Variants in ATP13A3 observed in about 807,000 individuals in gnomAD.
ATP13A3 encodes the protein polyamine-transporting ATPase 13A3.
In ATP13A3, 59 loss-of-function variants were observed where a neutral mutation model predicts 158.1. The observed-to-expected ratio is 0.37, with a 90% confidence interval of 0.30 to 0.46. The LOEUF (loss-of-function observed/expected upper bound fraction) is 0.46, where lower values mean the gene tolerates loss of function less well. Among genes scored for constraint, ATP13A3 ranks in the 20% least tolerant of loss-of-function variants. ATP13A3 has a pLI of 1.00. For synonymous variants in ATP13A3, 491 were observed against 504.3 expected (o/e 0.97, Z 0.35); for missense variants, 1,166 against 1,525.2 (o/e 0.76, Z 3.92).
At position 194,450,497 on chromosome 3, in the gene ATP13A3, C is replaced by CCATCTGA; in HGVS notation, c.839-222_839-221insTCAGATG. The stretch of plus-strand genomic sequence containing the variant: ...TCCTGCTAGGACACCAGCTGTGCAC[C>CCATCTGA]GGTGATGCCAAGTACCCTCTGACGA... On this transcript the variant is annotated intron_variant, in intron 10 of 33. Coordinates refer to ENST00000645319, the MANE Select transcript of ATP13A3 (RefSeq NM_001367549.1). The CCATCTGA allele has an allele frequency of 6.2e-6, 3 of 485,182 alleles. No individual in the cohort carries two copies. The East Asian group carries it at 1.2e-4, about 19-fold the overall frequency. 30.1% of individuals were successfully genotyped at this position (485,182 alleles called of 1,614,324 possible). A position where few individuals can be genotyped will look rare whatever the true frequency, so the allele number is the denominator to read the frequency against.
intron 20 of ATP13A3, among the ~76,000 whole-genome samples, chr3:194,434,788 C>T (rs553513156): frequency 6.6e-6 from 1 of 152,248 alleles, no homozygotes; most frequent in East Asian, 1.9e-4. Flanking sequence ...GGCATGATGA[C>T]ATGTGCCTGC....
Position 194,438,929 on chromosome 3 carries a change from C to A in ATP13A3, c.1754G>T (p.Arg585Leu), listed in dbSNP as rs375152534. The A allele has an allele frequency of 1.1e-5, 17 of 1,607,946 alleles. No individual in the cohort carries two copies. Among genetic ancestry groups the A allele is most frequent in the African/African-American group, 1.3e-5 (1 of 74,302 alleles). The change falls in exon 17 of 34, where the codon CGA becomes CTA. Residue 585 changes from arginine (R) to leucine (L), a missense_variant. This residue lies in a region of ATP13A3 where 997 missense variants were observed against 1,341.2 expected (regional missense o/e 0.74). Transcript: ENST00000645319. ...ATEEETALHNRIMPTVVRPPK... is the reference protein window; with the variant it reads ...ATEEETALHNLIMPTVVRPPK... ...AGGACGAACCACTGTGGGCATAATT[C>A]GATTATGAAGTGCTGTTTCTTCTTC...
chr3:194,430,875 TTTTTCTGATGCTGAA>T (rs1717169321), intron 24 of ATP13A3, 53 bp downstream of exon 24: 1 of 1,252,910 alleles, frequency 8.0e-7, no homozygotes, highest in Admixed American at 2.5e-5. Context: ...ATAAAAATTA[TTTTTCTGATGCTGAA>T]ATGAAACCAT....
At chr3:194,429,475 C>A (rs1407306410) in intron 27 of ATP13A3, among the ~76,000 whole-genome samples, 1 of 152,180 alleles carries the variant, frequency 6.6e-6, no homozygotes, top group Non-Finnish European at 1.5e-5. Context: ...TCTCCAAATT[C>A]AACAAACCAC....
chr3:194,454,207 T>C (rs1489644644), intron 9 of ATP13A3, 51 bp downstream of exon 9: 3 of 1,502,820 alleles, frequency 2.0e-6, no homozygotes, highest in Non-Finnish European at 2.7e-6. Context: ...CATTAGATGT[T>C]ACTACAAAAT....
chr3:194,409,117 C>T (rs1715166903), intron 33 of ATP13A3, among the ~76,000 whole-genome samples: 1 of 152,140 alleles, frequency 6.6e-6, no homozygotes, highest in Non-Finnish European at 1.5e-5. Flanking sequence ...AAGAGGCTAC[C>T]ATGCATAGTT....
chr3:194,438,141 CAG>C (rs1717794418), intron 17 of ATP13A3, among the ~76,000 whole-genome samples: 1 of 152,212 alleles, frequency 6.6e-6, no homozygotes, highest in African/African-American at 2.4e-5. Flanking sequence ...GCCGGGGTGA[CAG>C]AGCGAGACTC....
chr3:194,460,745 G>A lies in ATP13A3; in HGVS notation c.138C>T (p.Leu46=), dbSNP rs754108264. The A allele has an allele frequency of 5.0e-6, 8 of 1,614,108 alleles. No homozygotes were observed. Among genetic ancestry groups the A allele is most frequent in the South Asian group, 4.4e-5 (4 of 91,084 alleles). ...CCCGCCACTCAGGCATCCAATAGAG[G>A]AGGAGGAGGAGAAACCCACCAGAGC... ...VICSGGFLLL[L]LYWMPEWRVK... The change falls in exon 4 of 34, where the codon CTC becomes CTT. Residue 46 remains leucine, a synonymous_variant. Transcript: ENST00000645319.
intron 30 of ATP13A3, among the ~76,000 whole-genome samples, chr3:194,421,054 A>T (rs1356528682): frequency 7.7e-6 from 1 of 129,360 alleles, no homozygotes; most frequent in East Asian, 2.2e-4. Flanking sequence ...GTAAATATTT[A>T]TCATTCTACA....
intron 16 of ATP13A3, among the ~76,000 whole-genome samples, chr3:194,440,826 C>T (rs943107637): frequency 1.3e-5 from 2 of 152,074 alleles, no homozygotes; most frequent in African/African-American, 4.8e-5. Context: ...AACCAGAGAA[C>T]GTAAGCAGGC....
chr3:194,426,642 G>C (rs1309228965), intron 29 of ATP13A3, among the ~76,000 whole-genome samples: 2 of 152,146 alleles, frequency 1.3e-5, no homozygotes, highest in African/African-American at 4.8e-5. Context: ...AGACAGGCGT[G>C]ACCGTGATAT....
chr3:194,467,864 T>C (rs1720086380), intron 2 of ATP13A3: 1 of 152,156 alleles, frequency 6.6e-6, no homozygotes, highest in East Asian at 1.9e-4. Flanking sequence ...TAATACCAAA[T>C]TGATAAACCC....
intron 10 of ATP13A3, chr3:194,451,991 C>T (rs987469226): frequency 1.3e-5 from 2 of 152,272 alleles, no homozygotes; most frequent in African/African-American, 4.8e-5. Flanking sequence ...TCCTCTAAAC[C>T]AGTCTGAATG....
intron 14 of ATP13A3, among the ~76,000 whole-genome samples, chr3:194,445,316 T>C (rs551935085): frequency 6.6e-6 from 1 of 152,360 alleles, no homozygotes; most frequent in East Asian, 1.9e-4. Context: ...ATTTGGATTC[T>C]GACTGAAAAA....
chr3:194,485,187 T>C (rs939712958), intron 2 of ATP13A3, among the ~76,000 whole-genome samples: 1 of 152,158 alleles, frequency 6.6e-6, no homozygotes, highest in African/African-American at 2.4e-5. Flanking sequence ...CCTGATCTAA[T>C]GGTAGGATAA....
At chr3:194,425,245 T>A (rs1716678815) in intron 30 of ATP13A3, 97 bp downstream of exon 30, 5 of 1,134,080 alleles carry the variant, frequency 4.4e-6, no homozygotes, top group African/African-American at 1.6e-5. Context: ...TCTGTGAAGA[T>A]CTGGTTTACT....
At chr3:194,432,456 GA>G (rs1311872994) in intron 21 of ATP13A3, among the ~76,000 whole-genome samples, 9 of 152,152 alleles carry the variant, frequency 5.9e-5, no homozygotes, top group Admixed American at 3.9e-4. Context: ...AAGGTTTGTG[GA>G]TCCCACTGCT....
chr3:194,481,839 A>G (rs1720762509), intron 2 of ATP13A3, among the ~76,000 whole-genome samples: 1 of 152,230 alleles, frequency 6.6e-6, no homozygotes, highest in Non-Finnish European at 1.5e-5. Context: ...TCAATTGATC[A>G]TTTAAAACCA....
chr3:194,405,008 T>C lies in ATP13A3; in HGVS notation c.*911A>G, dbSNP rs971268330. ...AAAAAAAACTATTATCCTATGTCTT[T>C]AGGTAATTGAAAACATAGAAGAAAA... On this transcript the variant is annotated 3_prime_UTR_variant, in exon 34 of 34. Transcript: ENST00000645319. 8 of 152,194 alleles carry C rather than the reference T, an allele frequency of 5.3e-5. No individual in the cohort carries two copies. The highest frequency in any genetic ancestry group is 1.7e-4 in the African/African-American group (7 of 41,448). 9.4% of individuals were successfully genotyped at this position (152,194 alleles called of 1,614,324 possible). A position where few individuals can be genotyped will look rare whatever the true frequency, so the allele number is the denominator to read the frequency against.
Sources: gnomAD v4.1 joint callset for allele counts (sites outside exome capture counted in the v4.1 genomes callset) on GRCh38, gnomAD v4.1.1 for gene constraint, gnomAD v4.1.1 regional missense constraint, MANE v1.5 for transcripts, NCBI Gene and HGNC (gene_info 2026-07-23, HGNC 2026-07-21) for gene names.